ARIH1: variants seen among roughly 807,000 people sequenced by gnomAD.
ARIH1 encodes ariadne RBR E3 ubiquitin protein ligase 1.
Under a neutral mutation model 85.0 loss-of-function variants are expected in ARIH1, and 8 were observed. The observed-to-expected ratio is 0.09, with a 90% CI of 0.06 to 0.17. The LOEUF is 0.17. Among genes scored for constraint, ARIH1 ranks in the 10% least tolerant of loss-of-function variants. The pLI, the probability that ARIH1 is intolerant of heterozygous loss-of-function variation, is 1.00. For missense variants in ARIH1, 311 were observed against 718.1 expected, an observed-to-expected ratio of 0.43 and a Z score of 6.48; for synonymous variants, 238 against 253.6, an observed-to-expected ratio of 0.94 and a Z score of 0.59.
At chr15:72,552,813 C>T (rs2064158663) in intron 3 of ARIH1, among the ~76,000 whole-genome samples, 1 of 147,624 alleles carries the variant, frequency 6.8e-6, no homozygotes, top group South Asian at 2.2e-4. Flanking sequence ...CTCGCTTTGT[C>T]ACCCAAGCTG....
chr15:72,534,687 C>T (rs937929831), intron 2 of ARIH1, among the ~76,000 whole-genome samples: 1 of 152,122 alleles, frequency 6.6e-6, no homozygotes, highest in Admixed American at 6.6e-5. Flanking sequence ...ACCTCTGCTA[C>T]CCTTGTGGTT....
intron 5 of ARIH1, among the ~76,000 whole-genome samples, chr15:72,558,539 C>T (rs963020803): frequency 7.9e-5 from 12 of 152,144 alleles, no homozygotes; most frequent in Non-Finnish European, 1.3e-4. Flanking sequence ...TGACCTCAGG[C>T]GATCTGCCCG....
At position 72,582,251 on chromosome 15, in the gene ARIH1, C is replaced by A; in HGVS notation, c.1589+64C>A. The A allele has an allele frequency of 8.8e-7, 1 of 1,130,248 alleles. No homozygotes were observed. Among genetic ancestry groups the A allele is most frequent in the Non-Finnish European group, 1.3e-6 (1 of 765,868 alleles). The allele number at this position is 1,130,248 out of a possible 1,614,324, so 70.0% of individuals were successfully genotyped here. On this transcript the variant is annotated intron_variant, in intron 13 of 13. Transcript: ENST00000379887. This position sits in a 1 kb window ranked among gnomAD's most constrained non-coding sequence, Gnocchi z 4.6. The stretch of plus-strand genomic sequence containing the variant: ...AGTGATGATCCTTACTGGTAAAGTT[C>A]AGTGATAGTGAAACTGGGTTTAGCA...
chr15:72,481,746 T>C (rs1234836982), intron 1 of ARIH1, among the ~76,000 whole-genome samples: 1 of 152,142 alleles, frequency 6.6e-6, no homozygotes, highest in Admixed American at 6.5e-5. Flanking sequence ...AGGCTAATCA[T>C]AGGGTTGGAA....
At chr15:72,567,763 A>G (rs1385843176) in intron 9 of ARIH1, among the ~76,000 whole-genome samples, 1 of 152,198 alleles carries the variant, frequency 6.6e-6, no homozygotes, top group Non-Finnish European at 1.5e-5. Flanking sequence ...CGTATTATCC[A>G]TCCTTTATGT....
chr15:72,561,740 G>A (rs1482092625), intron 6 of ARIH1, among the ~76,000 whole-genome samples, 191 bp downstream of exon 6: 2 of 152,186 alleles, frequency 1.3e-5, no homozygotes, highest in Non-Finnish European at 2.9e-5. Context: ...CCAGCACTAA[G>A]GGAGGCCGAG....
Position 72,584,354 on chromosome 15 carries a change from A to T in ARIH1, c.*1062A>T, listed in dbSNP as rs1005553543. 1 of 152,182 alleles carries T rather than the reference A, an allele frequency of 6.6e-6. No homozygotes were observed. Among genetic ancestry groups the T allele is most frequent in the East Asian group, 1.9e-4 (1 of 5,202 alleles). The allele number at this position is 152,182 out of a possible 1,614,324, so 9.4% of individuals were successfully genotyped here. ...CCTCTACCCAAGCCTTTGTGTGCCC[A>T]TGTTATGCACACAGCTGTAGGCATT... On this transcript the variant is annotated 3_prime_UTR_variant, in exon 14 of 14. Coordinates refer to ENST00000379887, the MANE Select transcript of ARIH1 (RefSeq NM_005744.5).
At chr15:72,523,064 A>G (rs533093663) in intron 2 of ARIH1, among the ~76,000 whole-genome samples, 3 of 152,372 alleles carry the variant, frequency 2.0e-5, no homozygotes, top group South Asian at 4.1e-4. Flanking sequence ...TACAGCCACA[A>G]AATGGAAGAC....
intron 2 of ARIH1, among the ~76,000 whole-genome samples, chr15:72,543,212 G>C (rs1442765492): frequency 6.6e-6 from 1 of 151,984 alleles, no homozygotes; most frequent in African/African-American, 2.4e-5. Flanking sequence ...TGGGATTGCA[G>C]GTGTGAGCCA....
chr15:72,543,378 T>G (rs986125207), intron 2 of ARIH1, among the ~76,000 whole-genome samples: 1 of 152,058 alleles, frequency 6.6e-6, no homozygotes, highest in Non-Finnish European at 1.5e-5. Context: ...AGCATTTGAT[T>G]TTCTGCTTTA....
chr15:72,581,123 C>T, intron 12 of ARIH1, 132 bp downstream of exon 12: 3 of 961,724 alleles, frequency 3.1e-6, no homozygotes, highest in Non-Finnish European at 4.5e-6. Flanking sequence ...GTATTTATTA[C>T]AAAGATACAA....
intron 7 of ARIH1, 36 bp from the exon 8 acceptor site, chr15:72,566,527 G>T (rs752363116): frequency 6.4e-7 from 1 of 1,565,540 alleles, no homozygotes; most frequent in East Asian, 2.2e-5. Flanking sequence ...CAGTAGGTAG[G>T]CCTTAATTCT....
chr15:72,507,577 T>A (rs539112640), intron 1 of ARIH1, among the ~76,000 whole-genome samples: 1 of 152,262 alleles, frequency 6.6e-6, no homozygotes, highest in African/African-American at 2.4e-5. Context: ...CTCATTCCTA[T>A]AATCCCTGTG....
intron 1 of ARIH1, among the ~76,000 whole-genome samples, chr15:72,475,406 T>TA (rs1181597105): frequency 1.3e-5 from 2 of 152,190 alleles, no homozygotes; most frequent in Non-Finnish European, 2.9e-5. Flanking sequence ...TGACGGGACT[T>TA]ACCCCGGCCG....
At chr15:72,478,861 A>G (rs1432760414) in intron 1 of ARIH1, among the ~76,000 whole-genome samples, 1 of 152,136 alleles carries the variant, frequency 6.6e-6, no homozygotes, top group African/African-American at 2.4e-5. Context: ...ATGCTCTGAA[A>G]TCACTTTGTG....
rs1282551847 is a variant in ARIH1 at position 72,601,962 on chromosome 15, A to G, written c.*18670A>G. On this transcript the variant is annotated 3_prime_UTR_variant, in exon 14 of 14. Transcript: ENST00000379887. ...GCCTTTTTATTAATACAGATACTAT[A>G]TGCATTTTCTGCACTTTATCTGTTA... 6.6e-6 allele frequency: 1 copy of G among 152,170 alleles called. No individual in the cohort carries two copies. The highest frequency in any genetic ancestry group is 1.5e-5 in the Non-Finnish European group (1 of 68,046). The allele number at this position is 152,170 out of a possible 1,614,324, so 9.4% of individuals were successfully genotyped here.
At position 72,594,803 on chromosome 15, in the gene ARIH1, C is replaced by CTTTTTTTTT. The variant is rs1567365897; in HGVS notation, c.*11515_*11516insTTTTTTTTT. ...TTTACTTCTTTTTCTGATTTTATGC[C>CTTTTTTTTT]TTTTCTTCTTTTTTTTTTTTTTTTT... On this transcript the variant is annotated 3_prime_UTR_variant, in exon 14 of 14. Transcript: ENST00000379887. The CTTTTTTTTT allele has an allele frequency of 9.2e-6, 1 of 108,654 alleles. No individual in the cohort carries two copies. Among genetic ancestry groups the CTTTTTTTTT allele is most frequent in the African/African-American group, 4.8e-5 (1 of 20,622 alleles). The allele number at this position is 108,654 out of a possible 1,614,324, so 6.7% of individuals were successfully genotyped here.
intron 2 of ARIH1, among the ~76,000 whole-genome samples, chr15:72,536,528 G>T (rs1214705793): frequency 1.3e-5 from 2 of 152,092 alleles, no homozygotes; most frequent in Non-Finnish European, 2.9e-5. Flanking sequence ...AAAGCTGAAT[G>T]GGGGGGATGT....
chr15:72,593,126 G>C lies in ARIH1; in HGVS notation c.*9834G>C, dbSNP rs2064349471. 6.6e-6 allele frequency: 1 copy of C among 152,130 alleles called. No homozygotes were observed. The highest frequency in any genetic ancestry group is 2.4e-5 in the African/African-American group (1 of 41,428). The allele number at this position is 152,130 out of a possible 1,614,324, so 9.4% of individuals were successfully genotyped here. A position where few individuals can be genotyped will look rare whatever the true frequency, so the allele number is the denominator to read the frequency against. On this transcript the variant is annotated 3_prime_UTR_variant, in exon 14 of 14. Transcript: ENST00000379887. ...CCATTTTAGCATATATGAAATAACTGATTTTAATTTACATTACATTTCCCT... is the reference window on the plus strand; with the variant it reads ...CCATTTTAGCATATATGAAATAACTCATTTTAATTTACATTACATTTCCCT...
Sources: allele counts gnomAD v4.1 joint callset (sites outside exome capture counted in the v4.1 genomes callset), GRCh38; gene constraint gnomAD v4.1.1; non-coding constraint Gnocchi (gnomAD v3.1); transcripts MANE v1.5; gene names NCBI Gene and HGNC (gene_info 2026-07-23, HGNC 2026-07-21).